The following AK7 variants were observed in gnomAD, a reference collection of about 807,000 sequenced individuals.
AK7 encodes ATP-AMP transphosphorylase 7.
AK7 carries 78 observed loss-of-function variants against 96.6 expected under a neutral mutation model. The observed-to-expected ratio is 0.81, with a 90% CI of 0.67 to 0.97. The LOEUF is 0.97. AK7 is among the 50% of genes least tolerant of loss of function. AK7 has a pLI of 0.00. For missense variants in AK7, 855 were observed against 887.9 expected, an observed-to-expected ratio of 0.96 and a Z score of 0.47; for synonymous variants, 302 against 317.2, an observed-to-expected ratio of 0.95 and a Z score of 0.51.
chr14:96,482,836 C>T (rs778309812), intron 15 of AK7, 163 bp from the exon 16 acceptor site: 3 of 805,864 alleles, frequency 3.7e-6, no homozygotes, highest in African/African-American at 3.5e-5. Context: ...GATATTTGCC[C>T]GTGAGAGAAG....
In AK7 at chr14:96,411,906, G is replaced by A. The variant is rs557463844; in HGVS notation, c.498+2965G>A. Among the ~76,000 whole-genome samples the A allele has an allele frequency of 3.3e-5, 5 of 152,332 alleles. No individual in the cohort carries two copies. In the South Asian group the frequency reaches 6.2e-4, roughly 19 times the overall value. ...ATACACAATGTCTTACAAAACCCAT[G>A]GTCAGAGATGCCACTGGGCGCCAAG... is the stretch of plus-strand genomic sequence containing the variant. On this transcript the variant is annotated intron_variant, in intron 4 of 17. Transcript: ENST00000267584.
At chr14:96,444,089 GT>G (rs1190188434) in intron 7 of AK7, among the ~76,000 whole-genome samples, 3 of 152,098 alleles carry the variant, frequency 2.0e-5, no homozygotes, top group African/African-American at 7.2e-5. Flanking sequence ...AACTCATAAT[GT>G]TTTAAGAAAG....
chr14:96,433,538 T>C (rs1014101193), intron 5 of AK7, among the ~76,000 whole-genome samples: 3 of 145,936 alleles, frequency 2.1e-5, no homozygotes, highest in Non-Finnish European at 4.6e-5. Flanking sequence ...TTTAAGGTCT[T>C]CTCTACACTG....
intron 12 of AK7, among the ~76,000 whole-genome samples, chr14:96,469,359 A>G (rs553670379): frequency 6.6e-6 from 1 of 152,126 alleles, no homozygotes; most frequent in South Asian, 2.1e-4. Flanking sequence ...TGTCCCTACT[A>G]AAAAATACAA....
At chr14:96,471,793 G>C (rs548742337) in intron 13 of AK7, among the ~76,000 whole-genome samples, 187 bp downstream of exon 13, 1 of 151,318 alleles carries the variant, frequency 6.6e-6, no homozygotes, top group Non-Finnish European at 1.5e-5. Flanking sequence ...GTGGCTCAAG[G>C]TGCATAGCCT....
intron 12 of AK7, among the ~76,000 whole-genome samples, chr14:96,458,942 G>C (rs1484150680): frequency 8.5e-6 from 1 of 117,432 alleles, no homozygotes; most frequent in African/African-American, 3.6e-5. Context: ...AAAAAAAGGT[G>C]AAGTACAGAA....
At chr14:96,414,220 C>T (rs186044813) in intron 4 of AK7, among the ~76,000 whole-genome samples, 5 of 152,298 alleles carry the variant, frequency 3.3e-5, no homozygotes, top group African/African-American at 9.6e-5. Flanking sequence ...CTGGGGCTGT[C>T]GTGCACACTT....
chr14:96,398,857 T>C (rs550225898), intron 2 of AK7: 1 of 154,114 alleles, frequency 6.5e-6, no homozygotes, highest in South Asian at 2.0e-4. Context: ...GACATTTAAA[T>C]GTCTGAGAAG....
At chr14:96,420,281 G>A (rs1195303546) in intron 4 of AK7, among the ~76,000 whole-genome samples, 2 of 151,822 alleles carry the variant, frequency 1.3e-5, no homozygotes, top group East Asian at 4.0e-4. Flanking sequence ...CAGATCACCT[G>A]AGGTCAGGAG....
intron 7 of AK7, among the ~76,000 whole-genome samples, chr14:96,443,780 A>T (rs1394145475): frequency 5.1e-5 from 7 of 137,612 alleles, no homozygotes; most frequent in East Asian, 2.1e-4. Flanking sequence ...AAAACTCATA[A>T]TTTTTTTTTT....
chr14:96,416,588 C>T (rs1566769226), intron 4 of AK7, among the ~76,000 whole-genome samples: 1 of 151,984 alleles, frequency 6.6e-6, no homozygotes, highest in East Asian at 1.9e-4. Context: ...TGACAGCCAT[C>T]CATATATAAT....
At chr14:96,427,510 A>G (rs753685571) in intron 5 of AK7, among the ~76,000 whole-genome samples, 1 of 152,184 alleles carries the variant, frequency 6.6e-6, no homozygotes, top group South Asian at 2.1e-4. Flanking sequence ...TGAGCCAATC[A>G]CTTCCCACAA....
chr14:96,404,154 A>G (rs1296521751), intron 2 of AK7, among the ~76,000 whole-genome samples: 1 of 150,076 alleles, frequency 6.7e-6, no homozygotes, highest in Non-Finnish European at 1.5e-5. Context: ...TCAAATTAAA[A>G]AAAAAAAAAA....
chr14:96,409,374 C>A (rs1404919651), intron 4 of AK7, among the ~76,000 whole-genome samples: 1 of 152,148 alleles, frequency 6.6e-6, no homozygotes, highest in African/African-American at 2.4e-5. Context: ...GAGTTTGAGA[C>A]CAGCCTGGCC....
intron 12 of AK7, among the ~76,000 whole-genome samples, chr14:96,460,887 T>C (rs371992823): frequency 6.6e-6 from 1 of 152,304 alleles, no homozygotes; most frequent in South Asian, 2.1e-4. Context: ...AAGGCCAGGT[T>C]AGCCCTGAAC....
intron 5 of AK7, among the ~76,000 whole-genome samples, chr14:96,424,470 C>T (rs1198758842): frequency 1.3e-5 from 2 of 152,200 alleles, no homozygotes; most frequent in Non-Finnish European, 2.9e-5. Context: ...GAGGTAGGTA[C>T]TACTATCATC....
In AK7 at chr14:96,437,845, T is replaced by G. The variant is rs753576637; in HGVS notation, c.620T>G (p.Phe207Cys). Reference protein sequence around the residue: ...VLKFGKKARKFAAYVVAAGLQ... With the variant: ...VLKFGKKARKCAAYVVAAGLQ... The stretch of plus-strand genomic sequence containing the variant: ...TATTTTATCTAATAGGCCAGAAAAT[T>G]TGCAGCATACGTAGTTGCTGCTGGA... The change falls in exon 6 of 18, where the codon TTT becomes TGT. Residue 207 changes from phenylalanine (F) to cysteine (C), a missense_variant. Coordinates refer to ENST00000267584, the MANE Select transcript of AK7 (RefSeq NM_152327.5). 4.4e-6 allele frequency: 7 copies of G among 1,608,766 alleles called. No homozygotes were observed. The East Asian group carries it at 1.6e-4, about 36-fold the overall frequency.
intron 5 of AK7, among the ~76,000 whole-genome samples, chr14:96,436,209 A>G (rs1018459229): frequency 3.3e-5 from 5 of 152,204 alleles, no homozygotes; most frequent in Non-Finnish European, 5.9e-5. Context: ...TTTCAAATCA[A>G]TTGACAGAAA....
At chr14:96,419,874 C>T (rs1372603066) in intron 4 of AK7, among the ~76,000 whole-genome samples, 2 of 148,878 alleles carry the variant, frequency 1.3e-5, no homozygotes, top group African/African-American at 5.0e-5. Context: ...CTGCAACATC[C>T]GCCTCCTGGG....
Sources: allele counts gnomAD v4.1 joint callset (sites outside exome capture counted in the v4.1 genomes callset), GRCh38; gene constraint gnomAD v4.1.1; transcripts MANE v1.5; gene names NCBI Gene and HGNC (gene_info 2026-07-23, HGNC 2026-07-21).